Variants in MAGI2 observed in about 807,000 individuals in gnomAD.
MAGI2 encodes membrane associated guanylate kinase, WW and PDZ domain containing 2, also known as membrane-associated guanylate kinase, WW and PDZ domain-containing protein 2.
MAGI2 carries 35 observed loss-of-function variants against 133.3 expected under a neutral mutation model. The ratio of observed to expected loss-of-function variants is 0.26; its 90% CI spans 0.20 to 0.35. The LOEUF is 0.35. Ranked by LOEUF, MAGI2 falls within the 10% of genes least tolerant of loss-of-function variation. The pLI is 1.00. For synonymous variants in MAGI2, 729 were observed against 710.6 expected (o/e 1.03, Z -0.41); for missense variants, 1,636 against 1,863.4 (o/e 0.88, Z 2.25).
At chr7:78,186,272 G>A (rs886257057) in intron 12 of MAGI2, among the ~76,000 whole-genome samples, 2 of 152,094 alleles carry the variant, frequency 1.3e-5, no homozygotes, top group African/African-American at 4.8e-5. Context: ...TCAAAAAAGT[G>A]AGTGTAAAAC....
chr7:78,984,263 A>G (rs1243450670), intron 2 of MAGI2, among the ~76,000 whole-genome samples: 1 of 151,922 alleles, frequency 6.6e-6, no homozygotes, highest in East Asian at 1.9e-4. Context: ...CCCTGCTTCC[A>G]TTCCGACTCC....
In MAGI2 at chr7:78,549,770, G is replaced by A. The variant is rs145117018; in HGVS notation, c.539-28125C>T. Among the ~76,000 whole-genome samples, 708 of 152,242 alleles carry A rather than the reference G, an allele frequency of 4.7e-3. 3 individuals are homozygous for A. Among genetic ancestry groups the A allele is most frequent in the African/African-American group, 0.016 (654 of 41,516 alleles). ...TAAAACACAAGTATAATATGTCAAT[G>A]TATTAATAGGATGATGCAAATTTGG... On this transcript the variant is annotated intron_variant, in intron 3 of 21. Transcript: ENST00000354212.
chr7:79,286,120 T>A (rs1226869374), intron 1 of MAGI2, among the ~76,000 whole-genome samples: 1 of 152,050 alleles, frequency 6.6e-6, no homozygotes, highest in Non-Finnish European at 1.5e-5. Flanking sequence ...TAGAAGGAAA[T>A]GACACTTAAT....
intron 10 of MAGI2, among the ~76,000 whole-genome samples, chr7:78,225,318 A>C (rs1789268454): frequency 1.3e-5 from 2 of 152,086 alleles, no homozygotes. Flanking sequence ...TTGTCTAGTG[A>C]AGACCCTTCC....
chr7:79,085,386 AATTT>A (rs1816398146), intron 1 of MAGI2, among the ~76,000 whole-genome samples: 1 of 151,596 alleles, frequency 6.6e-6, no homozygotes, highest in African/African-American at 2.4e-5. Flanking sequence ...TTATTTTTGT[AATTT>A]CTTTAATTCT....
intron 2 of MAGI2, among the ~76,000 whole-genome samples, chr7:78,868,792 C>T (rs1794788832): frequency 6.6e-6 from 1 of 151,772 alleles, no homozygotes; most frequent in African/African-American, 2.4e-5. Context: ...CTTCCTCTGT[C>T]GCCCAGGCTG....
intron 1 of MAGI2, among the ~76,000 whole-genome samples, chr7:79,163,196 A>G (rs1824556374): frequency 6.6e-6 from 1 of 152,054 alleles, no homozygotes; most frequent in Non-Finnish European, 1.5e-5. Flanking sequence ...ATATTTTTTG[A>G]GACAGGGTCT....
intron 1 of MAGI2, among the ~76,000 whole-genome samples, chr7:79,029,833 C>G (rs1810388019): frequency 1.3e-5 from 2 of 152,132 alleles, no homozygotes; most frequent in South Asian, 4.1e-4. Context: ...AATTAACTCT[C>G]CTAAACTCAC....
At position 78,373,454 on chromosome 7, in the gene MAGI2, A is replaced by G. The variant is rs539511057; in HGVS notation, c.1046-4241T>C. On this transcript the variant is annotated intron_variant, in intron 6 of 21. Transcript: ENST00000354212. The stretch of plus-strand genomic sequence containing the variant: ...TAAATGTTAGGGGCAGCTAAGTGGG[A>G]GTTATGGGGAGCCACTTTGTAGTAT... 3.3e-5 allele frequency among the ~76,000 whole-genome samples: 5 copies of G among 152,306 alleles called. No homozygotes were observed. In the South Asian group the frequency reaches 6.2e-4, roughly 19 times the overall value.
chr7:78,710,396 G>A (rs1202341057), intron 2 of MAGI2, among the ~76,000 whole-genome samples: 1 of 152,148 alleles, frequency 6.6e-6, no homozygotes, highest in Non-Finnish European at 1.5e-5. Flanking sequence ...TGGGGAGAGG[G>A]TGTAGGTAAT....
At chr7:79,374,664 G>C (rs1410953535) in intron 1 of MAGI2, among the ~76,000 whole-genome samples, 1 of 151,916 alleles carries the variant, frequency 6.6e-6, no homozygotes, top group Admixed American at 6.6e-5. Flanking sequence ...ACTGAATTCA[G>C]ATATGGTGTT....
intron 1 of MAGI2, among the ~76,000 whole-genome samples, chr7:79,039,194 T>C (rs1811390845): frequency 6.6e-6 from 1 of 151,632 alleles, no homozygotes; most frequent in Non-Finnish European, 1.5e-5. Context: ...TAAGGGGCTT[T>C]CCCCACCTTC....
chr7:79,071,783 AG>A (rs1206964214), intron 1 of MAGI2, among the ~76,000 whole-genome samples: 1 of 152,030 alleles, frequency 6.6e-6, no homozygotes, highest in Non-Finnish European at 1.5e-5. Flanking sequence ...CACCTACTCA[AG>A]CCTCAGCAAT....
intron 6 of MAGI2, among the ~76,000 whole-genome samples, chr7:78,458,326 T>C (rs551518042): frequency 1.4e-5 from 2 of 141,856 alleles, no homozygotes; most frequent in Non-Finnish European, 3.1e-5. Flanking sequence ...AAGAGTAAAA[T>C]TGAATCAAGT....
Position 79,003,136 on chromosome 7 carries a change from T to G in MAGI2, c.418+3954A>C, listed in dbSNP as rs562882592. 2.0e-5 allele frequency among the ~76,000 whole-genome samples: 3 copies of G among 151,772 alleles called. No homozygotes were observed. The East Asian group carries it at 5.9e-4, about 30-fold the overall frequency. On this transcript the variant is annotated intron_variant, in intron 2 of 21. Coordinates refer to ENST00000354212, the MANE Select transcript of MAGI2 (RefSeq NM_012301.4). ...GAAACAGGCTTCCTACCAAGGAGAG[T>G]GCAAGGACCAACTTGTCCACAACTA...
At chr7:78,184,579 C>G (rs1039947942) in intron 13 of MAGI2, 1 of 151,982 alleles carries the variant, frequency 6.6e-6, no homozygotes, top group African/African-American at 2.4e-5. Context: ...CACTATTTTC[C>G]GCAATTGTTT....
At position 78,575,840 on chromosome 7, in the gene MAGI2, T is replaced by C. The variant is rs531716350; in HGVS notation, c.538+51280A>G. Among the ~76,000 whole-genome samples, 7 of 152,256 alleles carry C rather than the reference T, an allele frequency of 4.6e-5. No individual in the cohort carries two copies. In the East Asian group the frequency reaches 1.4e-3, roughly 29 times the overall value. On this transcript the variant is annotated intron_variant, in intron 3 of 21. Transcript: ENST00000354212. ...CAATCTAAGGGACATAATAATTATA[T>C]GTAATGTGGTATCCTGGGTGAAATT...
intron 1 of MAGI2, among the ~76,000 whole-genome samples, chr7:79,210,151 G>C (rs1829386504): frequency 6.6e-6 from 1 of 151,974 alleles, no homozygotes; most frequent in African/African-American, 2.4e-5. Context: ...TGTTGGCATA[G>C]AATGTGTAGC....
chr7:78,885,509 A>C (rs190581664), intron 2 of MAGI2, among the ~76,000 whole-genome samples: 1 of 152,116 alleles, frequency 6.6e-6, no homozygotes, highest in African/African-American at 2.4e-5. Flanking sequence ...GATATTGTAC[A>C]TGAACTTTAA....
Sources: allele counts gnomAD v4.1 joint callset (sites outside exome capture counted in the v4.1 genomes callset), GRCh38; gene constraint gnomAD v4.1.1; transcripts MANE v1.5; gene names NCBI Gene and HGNC (gene_info 2026-07-23, HGNC 2026-07-21).